ABCA12: variants seen among roughly 807,000 people sequenced by gnomAD.
The protein encoded by ABCA12 is glucosylceramide transporter ABCA12.
Under a neutral mutation model 293.5 loss-of-function variants are expected in ABCA12, and 156 were observed. The ratio of observed to expected loss-of-function variants is 0.53; its 90% CI spans 0.47 to 0.61. The LOEUF is 0.61. Ranked by LOEUF, ABCA12 falls within the 20% of genes least tolerant of loss-of-function variation. The pLI, the probability that ABCA12 is intolerant of heterozygous loss-of-function variation, is 0.00. For missense variants in ABCA12, 2,797 were observed against 3,090.2 expected, an observed-to-expected ratio of 0.91 and a Z score of 2.25; for synonymous variants, 1,063 against 1,108.0, an observed-to-expected ratio of 0.96 and a Z score of 0.81.
At chr2:215,007,908 G>A (rs755193732) in intron 18 of ABCA12, 62 bp from the exon 19 acceptor site, 206 of 1,596,484 alleles carry the variant, frequency 1.3e-4, no homozygotes, top group Non-Finnish European at 1.6e-4. Context: ...TTTTAACAAG[G>A]TATCTTAAGA....
chr2:215,041,855 T>C (rs1354794302), intron 7 of ABCA12, among the ~76,000 whole-genome samples: 1 of 152,224 alleles, frequency 6.6e-6, no homozygotes, highest in Non-Finnish European at 1.5e-5. Context: ...TTTTGAAATA[T>C]GCAACAACAT....
intron 8 of ABCA12, among the ~76,000 whole-genome samples, chr2:215,033,894 TCA>T: frequency 6.6e-6 from 1 of 152,030 alleles, no homozygotes; most frequent in South Asian, 2.1e-4. Flanking sequence ...TGAGCCGAGA[TCA>T]TGCCACTGCA....
At chr2:214,957,766 C>T (rs1401095672) in intron 41 of ABCA12, among the ~76,000 whole-genome samples, 1 of 152,204 alleles carries the variant, frequency 6.6e-6, no homozygotes, top group Non-Finnish European at 1.5e-5. Flanking sequence ...CAATGAAATA[C>T]ATCCCTTCTT....
At chr2:215,015,936 A>C (rs1700485574) in intron 14 of ABCA12, among the ~76,000 whole-genome samples, 1 of 151,426 alleles carries the variant, frequency 6.6e-6, no homozygotes, top group South Asian at 2.1e-4. Flanking sequence ...CGAGGTCAGG[A>C]GTTCGAGACC....
intron 7 of ABCA12, among the ~76,000 whole-genome samples, chr2:215,042,853 C>G (rs1419190041): frequency 6.6e-6 from 1 of 152,122 alleles, no homozygotes; most frequent in East Asian, 1.9e-4. Flanking sequence ...CTCATCCTCC[C>G]CTTTCACCCA....
intron 1 of ABCA12, among the ~76,000 whole-genome samples, chr2:215,126,648 C>T (rs1024183020): frequency 6.6e-6 from 1 of 152,060 alleles, no homozygotes; most frequent in Admixed American, 6.6e-5. Context: ...GTTGTATTAT[C>T]TCTTGTTTTG....
intron 2 of ABCA12, among the ~76,000 whole-genome samples, chr2:215,071,670 G>A: frequency 6.6e-6 from 1 of 152,190 alleles, no homozygotes; most frequent in East Asian, 1.9e-4. Context: ...AGGGCACAGG[G>A]AAGATCAATT....
intron 2 of ABCA12, among the ~76,000 whole-genome samples, chr2:215,079,242 A>G (rs79507406): frequency 0.019 from 2,905 of 152,342 alleles, 44 homozygotes; most frequent in Middle Eastern, 0.041. Flanking sequence ...GGTGCAATAT[A>G]GCACACAAGA....
rs11893080 is a variant in ABCA12 at position 214,981,536 on chromosome 2, G to C, written c.4579+651C>G. ...TGTTGGATTTGCATGCTCTCAAAAA[G>C]GCCAGTTAAGTGCTCAACTCACAGC... On this transcript the variant is annotated intron_variant, in intron 30 of 52. Transcript: ENST00000272895. Among the ~76,000 whole-genome samples the C allele has an allele frequency of 1.4e-4, 22 of 152,090 alleles. 2 individuals carry two copies. The highest frequency in any genetic ancestry group is 4.8e-4 in the African/African-American group (20 of 41,494).
chr2:214,946,869 G>A (rs1054033737), intron 48 of ABCA12, among the ~76,000 whole-genome samples: 1 of 152,026 alleles, frequency 6.6e-6, no homozygotes, highest in Non-Finnish European at 1.5e-5. Flanking sequence ...AATGTGGAAT[G>A]CATTTCTTCC....
Position 214,977,084 on chromosome 2 carries a change from C to T in ABCA12, c.5129-1047G>A, listed in dbSNP as rs578212330. 1.3e-4 allele frequency among the ~76,000 whole-genome samples: 20 copies of T among 152,264 alleles called. 1 individual carries two copies. The highest frequency in any genetic ancestry group is 3.4e-3 in the Middle Eastern group (1 of 294). On this transcript the variant is annotated intron_variant, in intron 33 of 52. Coordinates refer to ENST00000272895, the MANE Select transcript of ABCA12 (RefSeq NM_173076.3). ...CAGAGTGAACAAGTTTAAATGCAAA[C>T]TCATATCTCTGCAAAAGGGAACTGT... is the stretch of plus-strand genomic sequence containing the variant.
rs777433937 is a variant in ABCA12, at chr2:214,980,600, T to C, written c.4623A>G (p.Glu1541=). 7.4e-6 allele frequency: 12 copies of C among 1,614,100 alleles called. No individual in the cohort carries two copies. The highest frequency in any genetic ancestry group is 1.0e-5 in the Non-Finnish European group (12 of 1,179,994). ...GGAAGGCGATGCGGTCACTCAGCAC[T>C]TCAGCCTCGTCCAAGTGGTGCGTTG... The part of the protein sequence containing the change: ...ILSTHHLDEA[E]VLSDRIAFLE... The change falls in exon 31 of 53, where the codon GAA becomes GAG. Residue 1541 remains glutamate, a synonymous_variant. Transcript: ENST00000272895.
intron 2 of ABCA12, among the ~76,000 whole-genome samples, chr2:215,064,931 T>A (rs530024001): frequency 2.2e-4 from 33 of 152,082 alleles, no homozygotes; most frequent in African/African-American, 7.2e-4. Flanking sequence ...CTATTTTTGG[T>A]CTCTTTAAAA....
chr2:215,024,438 A>T (rs2106020306), intron 11 of ABCA12, among the ~76,000 whole-genome samples: 1 of 152,356 alleles, frequency 6.6e-6, no homozygotes, highest in South Asian at 2.1e-4. Context: ...ATCCTGGCTG[A>T]AAAACAGCAA....
chr2:214,934,326 A>G lies in ABCA12; in HGVS notation c.7543-111T>C, dbSNP rs555063967. 4 of 1,182,234 alleles carry G rather than the reference A, an allele frequency of 3.4e-6. No individual in the cohort carries two copies. The South Asian group carries it at 3.7e-5, about 11-fold the overall frequency. The allele number at this position is 1,182,234 out of a possible 1,614,324, so 73.2% of individuals were successfully genotyped here. A position where few individuals can be genotyped will look rare whatever the true frequency, so the allele number is the denominator to read the frequency against. On this transcript the variant is annotated intron_variant, in intron 51 of 52. Transcript: ENST00000272895. Reference sequence around the variant, plus strand: ...AAATAACTGAAGTTCATTCCACTGAAAATGATGCTACAGTATAAATAACGA... The same window carrying G: ...AAATAACTGAAGTTCATTCCACTGAGAATGATGCTACAGTATAAATAACGA...
At chr2:215,008,546 A>G (rs1004374132) in intron 18 of ABCA12, among the ~76,000 whole-genome samples, 1 of 152,142 alleles carries the variant, frequency 6.6e-6, no homozygotes, top group Non-Finnish European at 1.5e-5. Flanking sequence ...AAATTTTCAC[A>G]ATGTATTCTT....
At chr2:215,070,541 C>G (rs1170663040) in intron 2 of ABCA12, among the ~76,000 whole-genome samples, 2 of 112,722 alleles carry the variant, frequency 1.8e-5, no homozygotes, top group Admixed American at 1.0e-4. Flanking sequence ...CCCCTCCCCC[C>G]ACCCCACAAC....
intron 4 of ABCA12, 29 bp from the exon 5 acceptor site, chr2:215,052,613 T>A (rs1179480794): frequency 1.3e-6 from 2 of 1,540,820 alleles, no homozygotes; most frequent in Non-Finnish European, 1.8e-6. Context: ...CAGATTAGCA[T>A]TCCACACACA....
intron 7 of ABCA12, among the ~76,000 whole-genome samples, chr2:215,043,497 A>G (rs963195514): frequency 2.0e-5 from 3 of 152,092 alleles, no homozygotes; most frequent in African/African-American, 7.2e-5. Flanking sequence ...TTGCCAGTGT[A>G]ATTTGCTCCG....
Sources: allele counts gnomAD v4.1 joint callset (sites outside exome capture counted in the v4.1 genomes callset), GRCh38; gene constraint gnomAD v4.1.1; transcripts MANE v1.5; gene names NCBI Gene and HGNC (gene_info 2026-07-23, HGNC 2026-07-21).